Variants in PCDHAC1 observed in about 807,000 individuals in gnomAD.
The protein encoded by PCDHAC1 is protocadherin alpha-C1.
In PCDHAC1, 42 loss-of-function variants were observed where a neutral mutation model predicts 60.0. That is an observed-to-expected ratio of 0.70 (90% CI 0.55 to 0.90). The LOEUF (loss-of-function observed/expected upper bound fraction) is 0.90. Ranked by LOEUF, PCDHAC1 falls within the 40% of genes least tolerant of loss-of-function variation. The pLI is 0.00. For missense variants in PCDHAC1, 1,160 were observed against 1,222.3 expected (o/e 0.95, Z 0.76); for synonymous variants, 468 against 499.3 (o/e 0.94, Z 0.84).
Position 140,929,215 on chromosome 5 carries a change from T to C in PCDHAC1, c.2323T>C (p.Tyr775His), listed in dbSNP as rs1554206842. ...DNNSLLLRGEYNAADLRNLAT... is the reference protein window; with the variant it reads ...DNNSLLLRGEHNAADLRNLAT... ...TAACAGTTTGCTGTTGCGTGGGGAG[T>C]ACAATGCTGCCGACCTGCGAAATCT... The change falls in exon 1 of 4, where the codon TAC (tyrosine) becomes CAC (histidine). Residue 775 changes from tyrosine to histidine, a missense_variant. This residue lies in a region of PCDHAC1 where 1,113 missense variants were observed against 1,163.7 expected (regional missense o/e 0.96). Coordinates refer to ENST00000253807, the MANE Select transcript of PCDHAC1 (RefSeq NM_018898.5). 2 of 1,613,934 alleles carry C rather than the reference T, an allele frequency of 1.2e-6. No individual in the cohort carries two copies. The highest frequency in any genetic ancestry group is 2.2e-5 in the East Asian group (1 of 44,888).
chr5:140,941,619 C>T (rs1300512502), intron 1 of PCDHAC1, among the ~76,000 whole-genome samples: 1 of 151,848 alleles, frequency 6.6e-6, no homozygotes, highest in African/African-American at 2.4e-5. Flanking sequence ...CCAGCCCATC[C>T]TGCTTCTTAA....
chr5:140,989,685 A>G (rs1393246206), intron 3 of PCDHAC1, among the ~76,000 whole-genome samples: 2 of 152,186 alleles, frequency 1.3e-5, no homozygotes, highest in Non-Finnish European at 2.9e-5. Context: ...TTTCAAAGGA[A>G]CGTGAAAATT....
intron 3 of PCDHAC1, among the ~76,000 whole-genome samples, chr5:140,992,128 G>GACTGATGAT (rs2097493639): frequency 6.6e-6 from 1 of 151,816 alleles, no homozygotes; most frequent in Non-Finnish European, 1.5e-5. Context: ...GAAGAACAGT[G>GACTGATGAT]ACTGATGATG....
rs1234661148 is a variant in PCDHAC1, at chr5:141,010,706, T to C, written c.*769T>C. 2 of 155,338 alleles carry C rather than the reference T, an allele frequency of 1.3e-5. No individual in the cohort carries two copies. Among genetic ancestry groups the C allele is most frequent in the African/African-American group, 4.8e-5 (2 of 41,492 alleles). The allele number at this position is 155,338 out of a possible 1,614,324, so 9.6% of individuals were successfully genotyped here. A position where few individuals can be genotyped will look rare whatever the true frequency, so the allele number is the denominator to read the frequency against. The stretch of plus-strand genomic sequence containing the variant: ...AGATCTGATGTGTTTCCTATACATG[T>C]CCTGTGCTCACTTTATTAAAAATTC... On this transcript the variant is annotated 3_prime_UTR_variant, in exon 4 of 4. Transcript: ENST00000253807.
chr5:140,983,966 C>A (rs782428444), intron 3 of PCDHAC1, among the ~76,000 whole-genome samples: 1 of 152,048 alleles, frequency 6.6e-6, no homozygotes, highest in Non-Finnish European at 1.5e-5. Flanking sequence ...CACATTTGTC[C>A]AAAAAATATA....
chr5:141,003,240 C>T (rs1563674729), intron 3 of PCDHAC1, among the ~76,000 whole-genome samples: 2 of 152,150 alleles, frequency 1.3e-5, no homozygotes, highest in South Asian at 4.1e-4. Context: ...GAAATTTTGC[C>T]AAAAAGATTC....
At position 140,928,326 on chromosome 5, in the gene PCDHAC1, C is replaced by T. The variant is rs1554205788; in HGVS notation, c.1434C>T (p.Gly478=). The change falls in exon 1 of 4, where the codon GGC becomes GGT. Residue 478 remains glycine (G), a synonymous_variant. Coordinates refer to ENST00000253807, the MANE Select transcript of PCDHAC1 (RefSeq NM_018898.5). ...AGGACCCCGACCTGGGGAAGAATGG[C>T]CTTGTCTCTTATGAGCTGTTGGATG... ...FAQDPDLGKN[G]LVSYELLDVI... The T allele has an allele frequency of 6.2e-7, 1 of 1,614,162 alleles. No individual in the cohort carries two copies. The highest frequency in any genetic ancestry group is 8.5e-7 in the Non-Finnish European group (1 of 1,180,036).
intron 3 of PCDHAC1, among the ~76,000 whole-genome samples, chr5:141,005,573 G>A (rs947306752): frequency 4.0e-5 from 6 of 151,140 alleles, no homozygotes; most frequent in Admixed American, 1.3e-4. Context: ...ATGGTGGCGC[G>A]TGCCTGTAGT....
intron 3 of PCDHAC1, among the ~76,000 whole-genome samples, chr5:141,000,180 T>G (rs2153962126): frequency 6.6e-6 from 1 of 151,688 alleles, no homozygotes; most frequent in South Asian, 2.1e-4. Flanking sequence ...AGCCAAGGAG[T>G]CAATGTGAGA....
rs573174481 is a variant in PCDHAC1 at position 140,990,482 on chromosome 5, T to C, written c.2581+7919T>C. Among the ~76,000 whole-genome samples, 3 of 152,318 alleles carry C rather than the reference T, an allele frequency of 2.0e-5. No homozygotes were observed. In the South Asian group the frequency reaches 6.2e-4, roughly 32 times the overall value. On this transcript the variant is annotated intron_variant, in intron 3 of 3. Transcript: ENST00000253807. ...AGGTGGTATCATGTATCAAGCTGAA[T>C]AGTGAGGTGACATTCCCCAAGTCTT... is the stretch of plus-strand genomic sequence containing the variant.
At chr5:140,957,398 TTTA>T (rs2095356378) in intron 1 of PCDHAC1, among the ~76,000 whole-genome samples, 1 of 152,304 alleles carries the variant, frequency 6.6e-6, no homozygotes, top group South Asian at 2.1e-4. Context: ...ATTGTCCTAA[TTTA>T]TTATTATTGT....
At chr5:140,942,406 G>GT (rs1554214961) in intron 1 of PCDHAC1, among the ~76,000 whole-genome samples, 2 of 149,658 alleles carry the variant, frequency 1.3e-5, no homozygotes, top group South Asian at 2.1e-4. Flanking sequence ...ATGAGACTCT[G>GT]TTTAAAAAAA....
chr5:140,945,596 T>C (rs2093812585), intron 1 of PCDHAC1, among the ~76,000 whole-genome samples: 1 of 152,060 alleles, frequency 6.6e-6, no homozygotes, highest in Admixed American at 6.6e-5. Context: ...ACTTCAAAGC[T>C]ATAATAATCA....
intron 1 of PCDHAC1, among the ~76,000 whole-genome samples, chr5:140,945,624 C>T (rs1248945489): frequency 6.6e-6 from 1 of 152,028 alleles, no homozygotes; most frequent in African/African-American, 2.4e-5. Flanking sequence ...ATGGTACTGG[C>T]ATAAAAGACA....
At chr5:140,976,833 C>T (rs2096733011) in intron 1 of PCDHAC1, among the ~76,000 whole-genome samples, 1 of 152,140 alleles carries the variant, frequency 6.6e-6, no homozygotes, top group Non-Finnish European at 1.5e-5. Flanking sequence ...ATGAGCAAAA[C>T]AGATATAATC....
rs1374109552 is a variant in PCDHAC1 at position 141,010,068 on chromosome 5, T to C, written c.*131T>C. On this transcript the variant is annotated 3_prime_UTR_variant, in exon 4 of 4. Transcript: ENST00000253807. ...AGAGACCTCAGAAATCTGCAGAAAGTTCCCTGTGTCTGTCTAGAACGCATT... is the reference window on the plus strand; with the variant it reads ...AGAGACCTCAGAAATCTGCAGAAAGCTCCCTGTGTCTGTCTAGAACGCATT... 4 of 1,604,732 alleles carry C rather than the reference T, an allele frequency of 2.5e-6. No homozygotes were observed. Among genetic ancestry groups the C allele is most frequent in the Non-Finnish European group, 3.4e-6 (4 of 1,175,400 alleles).
intron 1 of PCDHAC1, among the ~76,000 whole-genome samples, chr5:140,934,231 C>T (rs2089713851): frequency 6.6e-6 from 1 of 152,014 alleles, no homozygotes; most frequent in African/African-American, 2.4e-5. Context: ...AAGATTTGTA[C>T]TTAATTGTGG....
rs1307653192 is a variant in PCDHAC1, at chr5:141,009,883, G to C, written c.2838G>C (p.Lys946Asn). 1.2e-6 allele frequency: 2 copies of C among 1,613,212 alleles called. No individual in the cohort carries two copies. Among genetic ancestry groups the C allele is most frequent in the Non-Finnish European group, 1.7e-6 (2 of 1,179,888 alleles). Reference sequence around the variant, plus strand: ...AGAAGAAAAAGAAGAAGGGTAACAAGACCCAGGAGAAAAAAGAGAAAGGGA... The same window carrying C: ...AGAAGAAAAAGAAGAAGGGTAACAACACCCAGGAGAAAAAAGAGAAAGGGA... ...KKKKKKKKGNKTQEKKEKGNS... is the reference protein window; with the variant it reads ...KKKKKKKKGNNTQEKKEKGNS... The change falls in exon 4 of 4, where the codon AAG becomes AAC. Residue 946 changes from lysine (K) to asparagine (N), a missense_variant. Coordinates refer to ENST00000253807, the MANE Select transcript of PCDHAC1 (RefSeq NM_018898.5).
chr5:141,006,946 G>A (rs1333269040), intron 3 of PCDHAC1, among the ~76,000 whole-genome samples: 1 of 152,120 alleles, frequency 6.6e-6, no homozygotes, highest in African/African-American at 2.4e-5. Flanking sequence ...TACCAGATAG[G>A]CAGTTATACA....
Sources: gnomAD v4.1 joint callset for allele counts (sites outside exome capture counted in the v4.1 genomes callset) on GRCh38, gnomAD v4.1.1 for gene constraint, gnomAD v4.1.1 regional missense constraint, MANE v1.5 for transcripts, NCBI Gene and HGNC (gene_info 2026-07-23, HGNC 2026-07-21) for gene names.